The following SLC9A9 variants were observed in gnomAD, a reference collection of about 807,000 sequenced individuals.
The protein encoded by SLC9A9 is sodium/hydrogen exchanger 9.
SLC9A9 carries 62 observed loss-of-function variants against 77.8 expected under a neutral mutation model. That is an observed-to-expected ratio of 0.80 (90% CI 0.65 to 0.98). The LOEUF is 0.98. Ranked by LOEUF, SLC9A9 falls within the 50% of genes least tolerant of loss-of-function variation. The probability of loss-of-function intolerance (pLI) is 0.00; values close to 1 mark genes in which losing one functional copy is unlikely to be tolerated. For synonymous variants in SLC9A9, 320 were observed against 283.5 expected, an observed-to-expected ratio of 1.13 and a Z score of -1.29; for missense variants, 775 against 774.9, an observed-to-expected ratio of 1.00 and a Z score of 0.00.
intron 4 of SLC9A9, among the ~76,000 whole-genome samples, chr3:143,735,544 G>A (rs1934919733): frequency 6.6e-6 from 1 of 152,294 alleles, no homozygotes; most frequent in East Asian, 1.9e-4. Context: ...TGGCATACAC[G>A]AGTTCAGGAA....
At chr3:143,364,691 C>T (rs527323577) in intron 13 of SLC9A9, among the ~76,000 whole-genome samples, 35 of 152,304 alleles carry the variant, frequency 2.3e-4, no homozygotes, top group Middle Eastern at 3.4e-3. Context: ...TTCTATCCCC[C>T]GCAAATGAAA....
intron 9 of SLC9A9, among the ~76,000 whole-genome samples, chr3:143,513,162 T>C (rs1000221572): frequency 4.6e-5 from 7 of 152,228 alleles, no homozygotes; most frequent in Non-Finnish European, 1.0e-4. Context: ...TGTGATGCTA[T>C]TTGATAGAAT....
At chr3:143,472,896 T>C (rs2035402777) in intron 11 of SLC9A9, among the ~76,000 whole-genome samples, 1 of 152,218 alleles carries the variant, frequency 6.6e-6, no homozygotes, top group South Asian at 2.1e-4. Context: ...AGTCAAGAGT[T>C]CTGGTATCTG....
At chr3:143,495,254 A>C (rs1265112794) in intron 10 of SLC9A9, 81 bp downstream of exon 10, 1 of 1,234,132 alleles carries the variant, frequency 8.1e-7, no homozygotes, top group East Asian at 2.3e-5. Context: ...AAGTGCTTTA[A>C]TGATTTAACA....
chr3:143,570,988 A>G (rs1391964830), intron 8 of SLC9A9, among the ~76,000 whole-genome samples: 2 of 152,226 alleles, frequency 1.3e-5, no homozygotes, highest in African/African-American at 2.4e-5. Flanking sequence ...TGCTTTGTTT[A>G]AAGTAGCAGA....
intron 10 of SLC9A9, 86 bp downstream of exon 10, chr3:143,495,249 C>A: frequency 8.4e-7 from 1 of 1,188,862 alleles, no homozygotes; most frequent in Non-Finnish European, 1.2e-6. Context: ...TAGGAAAGTG[C>A]TTTAATGATT....
At chr3:143,439,828 G>A (rs1433579107) in intron 12 of SLC9A9, among the ~76,000 whole-genome samples, 1 of 126,524 alleles carries the variant, frequency 7.9e-6, no homozygotes, top group African/African-American at 2.5e-5. Context: ...TGGTTCAGTG[G>A]AATGTGTGGC....
At position 143,266,623 on chromosome 3, in the gene SLC9A9, G is replaced by T; in HGVS notation, c.*79C>A. 7.0e-7 allele frequency: 1 copy of T among 1,429,376 alleles called. No homozygotes were observed. Among genetic ancestry groups the T allele is most frequent in the Non-Finnish European group, 9.8e-7 (1 of 1,018,060 alleles). 88.5% of individuals were successfully genotyped at this position (1,429,376 alleles called of 1,614,324 possible). A position where few individuals can be genotyped will look rare whatever the true frequency, so the allele number is the denominator to read the frequency against. ...TAATATGTTTTCCAGCCTCTCCCCT[G>T]TACTGCCTCATCAGCTTGGCTTGTA... On this transcript the variant is annotated 3_prime_UTR_variant, in exon 16 of 16. Coordinates refer to ENST00000316549, the MANE Select transcript of SLC9A9 (RefSeq NM_173653.4).
chr3:143,720,134 T>C (rs1050341182), intron 4 of SLC9A9, among the ~76,000 whole-genome samples: 3 of 151,324 alleles, frequency 2.0e-5, no homozygotes, highest in Admixed American at 6.6e-5. Flanking sequence ...ATATTATATA[T>C]GAGATATTAC....
chr3:143,733,106 T>C (rs1934849702), intron 4 of SLC9A9, among the ~76,000 whole-genome samples: 1 of 152,174 alleles, frequency 6.6e-6, no homozygotes. Flanking sequence ...TCATCTCAGG[T>C]CAGTTTGGGC....
chr3:143,347,441 C>A (rs1456601800), intron 14 of SLC9A9, among the ~76,000 whole-genome samples: 1 of 152,144 alleles, frequency 6.6e-6, no homozygotes, highest in African/African-American at 2.4e-5. Flanking sequence ...AAATGAAATT[C>A]TATCTTCCCC....
intron 5 of SLC9A9, among the ~76,000 whole-genome samples, chr3:143,691,212 A>G (rs1179899957): frequency 1.3e-5 from 2 of 152,032 alleles, no homozygotes; most frequent in East Asian, 3.9e-4. Flanking sequence ...GAAGTGCACC[A>G]TTACACAAGG....
At chr3:143,815,664 G>A (rs797008773) in intron 2 of SLC9A9, among the ~76,000 whole-genome samples, 6 of 152,150 alleles carry the variant, frequency 3.9e-5, no homozygotes, top group African/African-American at 9.6e-5. Flanking sequence ...AAGAGATGGA[G>A]ACCATCCTGG....
intron 13 of SLC9A9, 37 bp downstream of exon 13, chr3:143,382,023 T>C: frequency 1.2e-6 from 2 of 1,611,472 alleles, no homozygotes; most frequent in Non-Finnish European, 1.7e-6. Context: ...AGAACAATCA[T>C]ATCTCTATAT....
At chr3:143,339,827 GT>G (rs1288378135) in intron 14 of SLC9A9, among the ~76,000 whole-genome samples, 2 of 152,102 alleles carry the variant, frequency 1.3e-5, no homozygotes, top group African/African-American at 4.8e-5. Flanking sequence ...TCAATTCACT[GT>G]TTTTCAAAAT....
intron 9 of SLC9A9, among the ~76,000 whole-genome samples, chr3:143,547,780 G>A (rs561408431): frequency 6.6e-6 from 1 of 152,176 alleles, no homozygotes; most frequent in South Asian, 2.1e-4. Context: ...TTACAAGCCT[G>A]CCTTCCCATC....
intron 6 of SLC9A9, among the ~76,000 whole-genome samples, chr3:143,587,954 G>A (rs2037572676): frequency 6.6e-6 from 1 of 152,178 alleles, no homozygotes; most frequent in African/African-American, 2.4e-5. Context: ...TTTGAAAGGT[G>A]GTTGTGCAGA....
At chr3:143,370,617 T>C (rs1397063008) in intron 13 of SLC9A9, among the ~76,000 whole-genome samples, 1 of 140,516 alleles carries the variant, frequency 7.1e-6, no homozygotes, top group African/African-American at 2.7e-5. Flanking sequence ...ACAAATAATT[T>C]TCCTGGAACA....
intron 4 of SLC9A9, among the ~76,000 whole-genome samples, chr3:143,776,068 A>G (rs560000645): frequency 7.3e-4 from 111 of 152,282 alleles, no homozygotes; most frequent in African/African-American, 2.6e-3. Context: ...TCTTATCTTT[A>G]TCATGTTCTA....
Sources: allele counts gnomAD v4.1 joint callset (sites outside exome capture counted in the v4.1 genomes callset), GRCh38; gene constraint gnomAD v4.1.1; transcripts MANE v1.5; gene names NCBI Gene and HGNC (gene_info 2026-07-23, HGNC 2026-07-21).